TNC: variants seen among roughly 807,000 people sequenced by gnomAD.
TNC encodes the protein tenascin.
A neutral mutation model predicts 202.4 loss-of-function variants in TNC; 109 were observed. That is an observed-to-expected ratio of 0.54 (90% CI 0.46 to 0.63). The LOEUF is 0.63. Among genes scored for constraint, TNC ranks in the 30% least tolerant of loss-of-function variants. The pLI, the probability that TNC is intolerant of heterozygous loss-of-function variation, is 0.00. For missense variants in TNC, 2,756 were observed against 2,833.3 expected (o/e 0.97, Z 0.62); for synonymous variants, 1,007 against 1,089.7 (o/e 0.92, Z 1.50).
intron 15 of TNC, among the ~76,000 whole-genome samples, chr9:115,049,920 A>G (rs1294953433): frequency 2.0e-5 from 3 of 152,174 alleles, no homozygotes; most frequent in Non-Finnish European, 4.4e-5. Flanking sequence ...AGAGATTTAA[A>G]TTTTGCTGTG....
intron 9 of TNC, among the ~76,000 whole-genome samples, chr9:115,075,159 A>G (rs575132258): frequency 1.1e-4 from 16 of 152,184 alleles, no homozygotes; most frequent in Non-Finnish European, 2.4e-4. Flanking sequence ...GGGGAGAGGC[A>G]GAGGAGGAGT....
At chr9:115,056,496 C>T (rs2075347107) in intron 15 of TNC, among the ~76,000 whole-genome samples, 1 of 152,178 alleles carries the variant, frequency 6.6e-6, no homozygotes, top group Non-Finnish European at 1.5e-5. Flanking sequence ...AACTAAGTCC[C>T]TTGTTTGAAC....
chr9:115,020,574 C>A lies in TNC; in HGVS notation c.*583G>T. 1 of 311,468 alleles carries A rather than the reference C, an allele frequency of 3.2e-6. No individual in the cohort carries two copies. The highest frequency in any genetic ancestry group is 2.2e-5 in the African/African-American group (1 of 45,360). The allele number at this position is 311,468 out of a possible 1,614,324, so 19.3% of individuals were successfully genotyped here. A position where few individuals can be genotyped will look rare whatever the true frequency, so the allele number is the denominator to read the frequency against. On this transcript the variant is annotated 3_prime_UTR_variant, in exon 28 of 28. Transcript: ENST00000350763. Reference sequence around the variant, plus strand: ...CTTTTATTTAAAAAAAAAATACAATCAGGTACTGTCCAGAAATGTTTTGGA... The same window carrying A: ...CTTTTATTTAAAAAAAAAATACAATAAGGTACTGTCCAGAAATGTTTTGGA...
Position 115,086,112 on chromosome 9 carries a change from C to T in TNC, c.1619G>A (p.Gly540Asp), listed in dbSNP as rs749889114. The T allele has an allele frequency of 6.8e-6, 11 of 1,613,730 alleles. No homozygotes were observed. The highest frequency in any genetic ancestry group is 2.2e-5 in the East Asian group (1 of 44,900). ...CACGCACTGCCCATTCACACAGCGACCCTGGCCATGGCAGTCATTTGGACA... is the reference window on the plus strand; with the variant it reads ...CACGCACTGCCCATTCACACAGCGATCCTGGCCATGGCAGTCATTTGGACA... ...LSCPNDCHGQ[G>D]RCVNGQCVCH... is the part of the protein sequence containing the mutation. The change falls in exon 3 of 28, where the codon GGT becomes GAT. Residue 540 changes from glycine to aspartate, a missense_variant. Gly to Asp is a moderately conservative substitution (Grantham distance 94). Transcript: ENST00000350763.
chr9:115,068,057 T>C (rs1044503991), intron 10 of TNC, among the ~76,000 whole-genome samples: 2 of 152,104 alleles, frequency 1.3e-5, no homozygotes, highest in South Asian at 2.1e-4. Flanking sequence ...GGGAATATTA[T>C]GAATAAAAAA....
In TNC at chr9:115,046,596, A is replaced by C. The variant is rs1316434344; in HGVS notation, c.4939T>G (p.Phe1647Val). The change falls in exon 17 of 28, where the codon TTC becomes GTC. Residue 1647 changes from phenylalanine (F) to valine (V), a missense_variant. Physicochemically the swap from Phe to Val is conservative, Grantham distance 50. This residue lies in a region of TNC where 2,559 missense variants were observed against 2,546.0 expected (regional missense o/e 1.01). Transcript: ENST00000350763. ...CTGATTTTGAGAACAAAATTGTCGA[A>C]GACCCCTTCATCAGCTGTCCAGGAC... ...RLSWTADEGV[F>V]DNFVLKIRDT... 1 of 1,614,088 alleles carries C rather than the reference A, an allele frequency of 6.2e-7. No homozygotes were observed. Among genetic ancestry groups the C allele is most frequent in the Middle Eastern group, 1.7e-4 (1 of 6,046 alleles).
intron 1 of TNC, among the ~76,000 whole-genome samples, chr9:115,102,456 G>C (rs963707955): frequency 3.3e-5 from 5 of 152,182 alleles, no homozygotes; most frequent in Non-Finnish European, 5.9e-5. Context: ...TGCCTTGAAG[G>C]CTTCTAGAAG....
intron 2 of TNC, among the ~76,000 whole-genome samples, chr9:115,088,564 G>A (rs956198391): frequency 1.1e-4 from 16 of 152,072 alleles, no homozygotes; most frequent in African/African-American, 3.4e-4. Flanking sequence ...GATCTCCATG[G>A]AGCTTAAGGA....
chr9:115,081,962 G>A (rs765088571), intron 5 of TNC, 34 bp from the exon 6 acceptor site: 1 of 1,553,564 alleles, frequency 6.4e-7, no homozygotes, highest in Non-Finnish European at 8.7e-7. Context: ...AAGAGTTAGG[G>A]GAGGTGCCAG....
chr9:115,087,770 T>G (rs1834909047), intron 2 of TNC, among the ~76,000 whole-genome samples: 2 of 150,510 alleles, frequency 1.3e-5, no homozygotes. Context: ...GGCGCCATCT[T>G]GGCTCACTGC....
intron 14 of TNC, among the ~76,000 whole-genome samples, chr9:115,058,678 C>T (rs1341946074): frequency 6.6e-6 from 1 of 152,178 alleles, no homozygotes; most frequent in African/African-American, 2.4e-5. Flanking sequence ...GAGCTATGCT[C>T]TTGCTAGATT....
chr9:115,029,035 GAA>G (rs71375266), intron 25 of TNC, among the ~76,000 whole-genome samples: 809 of 71,214 alleles, frequency 0.011, 9 homozygotes, highest in African/African-American at 0.036. Context: ...ATTATCTCTG[GAA>G]AAAAAAAAAA....
chr9:115,026,790 G>A (rs2131560810), intron 25 of TNC, 95 bp from the exon 26 acceptor site: 1 of 1,219,172 alleles, frequency 8.2e-7, no homozygotes, highest in East Asian at 3.3e-5. Context: ...GTACACTTAA[G>A]ACAGGGCCAA....
intron 7 of TNC, 28 bp from the exon 8 acceptor site, chr9:115,076,603 G>T: frequency 6.2e-7 from 1 of 1,610,172 alleles, no homozygotes; most frequent in South Asian, 1.1e-5. Flanking sequence ...CATTTGTATT[G>T]AACATATCAG....
At position 115,086,329 on chromosome 9, in the gene TNC, T is replaced by G; in HGVS notation, c.1402A>C (p.Met468Leu). Reference sequence around the variant, plus strand: ...TGGTGACAGTCATTAGGGCAGCTCATGTCACTGCAGTCATAGCCCTTGAAG... The same window carrying G: ...TGGTGACAGTCATTAGGGCAGCTCAGGTCACTGCAGTCATAGCCCTTGAAG... ...QGFKGYDCSD[M>L]SCPNDCHQHG... Residue 468 changes from methionine to leucine, a missense_variant, in exon 3 of 28, where the codon ATG becomes CTG. Met to Leu is a conservative substitution (Grantham distance 15). Around this residue, in one of 2 missense-constraint regions of TNC, gnomAD observed 2,559 missense variants for 2,546.0 expected, o/e 1.01. Coordinates refer to ENST00000350763, the MANE Select transcript of TNC (RefSeq NM_002160.4). 6.2e-7 allele frequency: 1 copy of G among 1,614,118 alleles called. No homozygotes were observed.
At chr9:115,055,224 G>A (rs1324229778) in intron 15 of TNC, among the ~76,000 whole-genome samples, 1 of 152,168 alleles carries the variant, frequency 6.6e-6, no homozygotes, top group Non-Finnish European at 1.5e-5. Context: ...AGCAAGTCAG[G>A]TTAACTTTAT....
rs116423363 is a variant in TNC at position 115,058,241 on chromosome 9, G to A, written c.4307-816C>T. Among the ~76,000 whole-genome samples the A allele has an allele frequency of 6.6e-3, 1,011 of 152,286 alleles. 13 individuals carry two copies. The highest frequency in any genetic ancestry group is 0.023 in the African/African-American group (958 of 41,550). ...TAAGAATAAAACATGCAGAGGGCAG[G>A]TAGGAGCAGGGTTTGAAAAGCTAGT... On this transcript the variant is annotated intron_variant, in intron 14 of 27. Coordinates refer to ENST00000350763, the MANE Select transcript of TNC (RefSeq NM_002160.4).
At chr9:115,109,042 T>A (rs1292202519) in intron 1 of TNC, among the ~76,000 whole-genome samples, 1 of 152,230 alleles carries the variant, frequency 6.6e-6, no homozygotes, top group Admixed American at 6.5e-5. Flanking sequence ...CCTAAAACTA[T>A]GTATTGAATG....
At chr9:115,076,177 G>C in intron 8 of TNC, 56 bp from the exon 9 acceptor site, 1 of 1,571,876 alleles carries the variant, frequency 6.4e-7, no homozygotes, top group East Asian at 2.2e-5. Context: ...GACTTTCAGA[G>C]GATGATAAAA....
Sources: allele counts gnomAD v4.1 joint callset (sites outside exome capture counted in the v4.1 genomes callset), GRCh38; gene constraint gnomAD v4.1.1; regional missense constraint gnomAD v4.1.1; transcripts MANE v1.5; gene names NCBI Gene and HGNC (gene_info 2026-07-23, HGNC 2026-07-21).